MKLN1: variants seen among roughly 807,000 people sequenced by gnomAD.
The protein encoded by MKLN1 is muskelin 1.
In MKLN1, 18 loss-of-function variants were observed where a neutral mutation model predicts 99.0. The ratio of observed to expected loss-of-function variants is 0.18; its 90% CI spans 0.13 to 0.27. The LOEUF (loss-of-function observed/expected upper bound fraction) is 0.27, where lower values mean the gene tolerates loss of function less well. Ranked by LOEUF, MKLN1 falls within the 10% of genes least tolerant of loss-of-function variation. The probability of loss-of-function intolerance (pLI) is 1.00; values close to 1 mark genes in which losing one functional copy is unlikely to be tolerated. For missense variants in MKLN1, 621 were observed against 875.9 expected (o/e 0.71, Z 3.67); for synonymous variants, 288 against 293.2 (o/e 0.98, Z 0.18).
intron 17 of MKLN1, among the ~76,000 whole-genome samples, chr7:131,485,798 A>G (rs1042476744): frequency 6.6e-6 from 1 of 152,182 alleles, no homozygotes; most frequent in East Asian, 1.9e-4. Context: ...CATTAAAGTC[A>G]AAGAGAGGCT....
chr7:131,202,976 T>G lies in MKLN1; in HGVS notation c.-179+2T>G, dbSNP rs1377296969. 2.0e-5 allele frequency: 3 copies of G among 152,224 alleles called. No homozygotes were observed. The highest frequency in any genetic ancestry group is 1.5e-5 in the Non-Finnish European group (1 of 68,030). 9.4% of individuals were successfully genotyped at this position (152,224 alleles called of 1,614,324 possible). The stretch of plus-strand genomic sequence containing the variant: ...TGGTAAACCCACAGGATGAACAAGG[T>G]AACTGGGGTAATTCATCTAACAAAT... On this transcript the variant is annotated splice_donor_variant, in intron 3 of 7. Coordinates refer to the MKLN1 transcript ENST00000416992. LOFTEE classifies it low-confidence loss of function (5UTR_SPLICE).
At chr7:131,180,026 G>C (rs1168595256) in intron 2 of MKLN1, among the ~76,000 whole-genome samples, 1 of 152,166 alleles carries the variant, frequency 6.6e-6, no homozygotes, top group Non-Finnish European at 1.5e-5. Context: ...TGAAGTGTTA[G>C]GATTACAGGC....
chr7:131,262,293 T>C (rs1563271046), intron 3 of MKLN1, among the ~76,000 whole-genome samples: 1 of 151,702 alleles, frequency 6.6e-6, no homozygotes, highest in Non-Finnish European at 1.5e-5. Flanking sequence ...AAAAATTAGC[T>C]GGTCGTGGTG....
chr7:131,332,453 CAT>C (rs1426671152), intron 1 of MKLN1, among the ~76,000 whole-genome samples: 2 of 148,120 alleles, frequency 1.4e-5, no homozygotes, highest in African/African-American at 4.9e-5. Flanking sequence ...CTTTTTATAT[CAT>C]ATATATTAAA....
At chr7:131,476,281 C>G (rs1796963623) in intron 16 of MKLN1, among the ~76,000 whole-genome samples, 1 of 152,012 alleles carries the variant, frequency 6.6e-6, no homozygotes, top group African/African-American at 2.4e-5. Flanking sequence ...CAACATTCTA[C>G]CAGAATTACA....
intron 3 of MKLN1, among the ~76,000 whole-genome samples, chr7:131,275,139 G>C (rs1797941047): frequency 6.6e-6 from 1 of 152,038 alleles, no homozygotes; most frequent in Non-Finnish European, 1.5e-5. Context: ...TCTGGAGACT[G>C]GAAATCCTAG....
At chr7:131,225,312 T>C (rs1415633486) in intron 3 of MKLN1, among the ~76,000 whole-genome samples, 6 of 152,164 alleles carry the variant, frequency 3.9e-5, no homozygotes, top group African/African-American at 1.4e-4. Flanking sequence ...GGAAGATATC[T>C]CTCCGAGGTC....
At chr7:131,272,914 G>C (rs1563274691) in intron 3 of MKLN1, among the ~76,000 whole-genome samples, 1 of 152,286 alleles carries the variant, frequency 6.6e-6, no homozygotes, top group South Asian at 2.1e-4. Context: ...ATTGGTGGGG[G>C]ACACAGCCAA....
In MKLN1 at chr7:131,251,406, T is replaced by G. The variant is rs1022870232; in HGVS notation, c.-179+48432T>G. On this transcript the variant is annotated intron_variant, in intron 3 of 7. Transcript: ENST00000416992. ...GTTGCTCTCAATTCACACATAGGGG[T>G]TTTTGGCCAAAGTCCTCATCTTATA... is the stretch of plus-strand genomic sequence containing the variant. Among the ~76,000 whole-genome samples, 3 of 152,026 alleles carry G rather than the reference T, an allele frequency of 2.0e-5. No homozygotes were observed. The East Asian group carries it at 5.8e-4, about 29-fold the overall frequency.
In MKLN1 at chr7:131,252,324, C is replaced by CTTTTCTT. The variant is rs1797594533; in HGVS notation, c.-179+49355_-179+49361dup. Among the ~76,000 whole-genome samples, 7 of 87,142 alleles carry CTTTTCTT rather than the reference C, an allele frequency of 8.0e-5. 1 individual carries two copies. In the South Asian group the frequency reaches 3.6e-3, roughly 44 times the overall value. 57.2% of individuals were successfully genotyped at this position (87,142 alleles called of 152,430 possible). On this transcript the variant is annotated intron_variant, in intron 3 of 7. Transcript: ENST00000416992. ...GGGATCATAGTGAAAGGACTTTTTT[C>CTTTTCTT]TTTTCTTTTTTTTTTTTTTTTTGAG...
At chr7:131,470,488 A>T (rs892522785) in intron 15 of MKLN1, among the ~76,000 whole-genome samples, 1 of 152,242 alleles carries the variant, frequency 6.6e-6, no homozygotes, top group South Asian at 2.1e-4. Context: ...TGGATGAAAC[A>T]CATTGGGATT....
At chr7:131,264,069 C>G (rs1282047679) in intron 3 of MKLN1, among the ~76,000 whole-genome samples, 1 of 152,166 alleles carries the variant, frequency 6.6e-6, no homozygotes, top group Non-Finnish European at 1.5e-5. Flanking sequence ...GCAAAAATTT[C>G]TGGAATATGA....
exon 1 of MKLN1, chr7:131,110,152 G>A (rs890385417): frequency 5.1e-6 from 1 of 195,510 alleles, no homozygotes; most frequent in Non-Finnish European, 1.1e-5. Context: ...CTCCAGAGCC[G>A]CCCGGGAGCA....
intron 7 of MKLN1, among the ~76,000 whole-genome samples, chr7:131,413,701 G>T (rs1165824615): frequency 6.6e-6 from 1 of 151,916 alleles, no homozygotes; most frequent in African/African-American, 2.4e-5. Flanking sequence ...CACCATGCCC[G>T]GCTAATTTTT....
chr7:131,261,496 C>T (rs891553532), intron 3 of MKLN1, among the ~76,000 whole-genome samples: 2 of 152,140 alleles, frequency 1.3e-5, no homozygotes, highest in African/African-American at 4.8e-5. Flanking sequence ...CAAAAAATAA[C>T]ATGGTGGTGA....
Position 131,198,982 on chromosome 7 carries a change from TTA to T in MKLN1, c.-296-3871_-296-3870del, listed in dbSNP as rs375814284. ...GTGAGAGACTCTAAAACTGACTTTTTTATATGTCTGTTTTATTTGAAAAGTTA... is the reference window on the plus strand; with the variant it reads ...GTGAGAGACTCTAAAACTGACTTTTTTATGTCTGTTTTATTTGAAAAGTTA... On this transcript the variant is annotated intron_variant, in intron 2 of 7. Transcript: ENST00000416992. Among the ~76,000 whole-genome samples the T allele has an allele frequency of 4.6e-5, 7 of 152,264 alleles. No individual in the cohort carries two copies. In the East Asian group the frequency reaches 7.7e-4, roughly 17 times the overall value.
intron 2 of MKLN1, among the ~76,000 whole-genome samples, chr7:131,377,158 C>T (rs889135365): frequency 6.6e-6 from 1 of 152,150 alleles, no homozygotes; most frequent in Non-Finnish European, 1.5e-5. Context: ...TCCTGGTACA[C>T]ATGTGTAAGA....
At chr7:131,290,264 C>A (rs942401181) in intron 3 of MKLN1, among the ~76,000 whole-genome samples, 7 of 152,204 alleles carry the variant, frequency 4.6e-5, no homozygotes, top group Admixed American at 4.6e-4. Flanking sequence ...GAGATCGCAC[C>A]ATTGCACTCC....
At chr7:131,125,404 GC>G (rs1259559109) in intron 1 of MKLN1, among the ~76,000 whole-genome samples, 4 of 152,294 alleles carry the variant, frequency 2.6e-5, no homozygotes, top group Middle Eastern at 3.4e-3. Context: ...GCCAAAGAAG[GC>G]AATTCTGCAC....
Sources: gnomAD v4.1 joint callset for allele counts (sites outside exome capture counted in the v4.1 genomes callset) on GRCh38, gnomAD v4.1.1 for gene constraint, MANE v1.5 for transcripts, NCBI Gene and HGNC (gene_info 2026-07-23, HGNC 2026-07-21) for gene names.